KNSTRN: variants seen among roughly 807,000 people sequenced by gnomAD.
KNSTRN encodes the protein kinetochore localized astrin (SPAG5) binding protein.
Under a neutral mutation model 44.7 loss-of-function variants are expected in KNSTRN, and 38 were observed. The ratio of observed to expected loss-of-function variants is 0.85; its 90% CI spans 0.66 to 1.11. The LOEUF is 1.11. KNSTRN is among the 50% of genes most tolerant of loss of function. The probability of loss-of-function intolerance (pLI) is 0.00; values close to 1 mark genes in which losing one functional copy is unlikely to be tolerated. For synonymous variants in KNSTRN, 158 were observed against 148.1 expected (o/e 1.07, Z -0.48); for missense variants, 406 against 375.8 (o/e 1.08, Z -0.66).
At chr15:40,383,159 T>A in intron 1 of KNSTRN, 69 bp from the exon 2 acceptor site, 1 of 1,579,430 alleles carries the variant, frequency 6.3e-7, no homozygotes, top group South Asian at 1.1e-5. Flanking sequence ...GGTCGCGCTA[T>A]CCCCGGGCCC....
At chr15:40,383,757 C>A (rs1184462718) in intron 2 of KNSTRN, among the ~76,000 whole-genome samples, 1 of 152,206 alleles carries the variant, frequency 6.6e-6, no homozygotes, top group Non-Finnish European at 1.5e-5. Context: ...CCGTGTTTCT[C>A]ATTACCACAT....
chr15:40,384,410 T>C (rs1038855830), intron 2 of KNSTRN: 3 of 450,256 alleles, frequency 6.7e-6, no homozygotes, highest in East Asian at 7.1e-5. Context: ...TAAATAGGCT[T>C]TTCTCCAAAG....
Position 40,391,749 on chromosome 15 carries a change from A to T in KNSTRN, c.747+195A>T, listed in dbSNP as rs1012564125. ...AAGGTAGCTTTGTGCTTACAAATAT[A>T]AGTGAGTCTGAATTGAAAATTTAAA... On this transcript the variant is annotated intron_variant, in intron 7 of 8. Coordinates refer to ENST00000249776, the MANE Select transcript of KNSTRN (RefSeq NM_033286.4). The T allele has an allele frequency of 1.7e-5, 11 of 656,896 alleles. No homozygotes were observed. In the African/African-American group the frequency reaches 1.8e-4, roughly 11 times the overall value. The allele number at this position is 656,896 out of a possible 1,614,324, so 40.7% of individuals were successfully genotyped here. A position where few individuals can be genotyped will look rare whatever the true frequency, so the allele number is the denominator to read the frequency against.
rs1468000406 is a variant in KNSTRN at position 40,386,377 on chromosome 15, C to T, written c.320C>T (p.Ala107Val). ...TCCTTTGCAGACACACAAACTCGGG[C>T]CACTTCTAAGAGTCTCTTACCTGTT... is the stretch of plus-strand genomic sequence containing the variant. Reference protein sequence around the residue: ...GGQPADTQTRATSKSLLPVRS... With the variant: ...GGQPADTQTRVTSKSLLPVRS... Residue 107 changes from alanine to valine, a missense_variant, in exon 3 of 9, where the codon GCC becomes GTC. Coordinates refer to ENST00000249776, the MANE Select transcript of KNSTRN (RefSeq NM_033286.4). 1.2e-6 allele frequency: 2 copies of T among 1,613,502 alleles called. No individual in the cohort carries two copies. The highest frequency in any genetic ancestry group is 1.7e-6 in the Non-Finnish European group (2 of 1,179,796).
Position 40,382,889 on chromosome 15 carries a change from G to A in KNSTRN, c.54G>A (p.Leu18=), listed in dbSNP as rs371327504. 38 of 1,612,168 alleles carry A rather than the reference G, an allele frequency of 2.4e-5. No individual in the cohort carries two copies. The highest frequency in any genetic ancestry group is 2.3e-4 in the African/African-American group (17 of 74,876). ...ACAGAGTTTTCCGTACAACATGGCT[G>A]TCTACAGAGTGCGATTCCCACCCAC... The part of the protein sequence containing the change: ...PLDRVFRTTW[L]STECDSHPLP... The change falls in exon 1 of 9, where the codon CTG becomes CTA. Residue 18 remains leucine, a synonymous_variant. Transcript: ENST00000249776.
Position 40,391,506 on chromosome 15 carries a change from G to T in KNSTRN, c.699G>T (p.Glu233Asp). The T allele has an allele frequency of 6.2e-7, 1 of 1,613,924 alleles. No individual in the cohort carries two copies. The highest frequency in any genetic ancestry group is 1.1e-5 in the South Asian group (1 of 91,048). Residue 233 changes from glutamate to aspartate, a missense_variant, in exon 7 of 9, where the codon GAG (glutamate) becomes GAT (aspartate). Coordinates refer to ENST00000249776, the MANE Select transcript of KNSTRN (RefSeq NM_033286.4). ...SKGLDPALGS[E>D]TLASRQESTT... ...TGTATCCATCAGCTTTAGGCAGTGA[G>T]ACCCTGGCATCACGACAAGAATCCA...
At chr15:40,385,869 G>A (rs562034245) in intron 2 of KNSTRN, among the ~76,000 whole-genome samples, 5 of 152,272 alleles carry the variant, frequency 3.3e-5, no homozygotes, top group African/African-American at 7.2e-5. Flanking sequence ...GTACTGTCAC[G>A]TTTAAATAAT....
chr15:40,386,806 C>A (rs1889910855), intron 3 of KNSTRN: 4 of 501,744 alleles, frequency 8.0e-6, no homozygotes, highest in Non-Finnish European at 1.1e-5. Context: ...TAGTTGTTAT[C>A]CTAGGTTGCT....
intron 6 of KNSTRN, among the ~76,000 whole-genome samples, 182 bp downstream of exon 6, chr15:40,390,111 T>G (rs186956364): frequency 6.6e-6 from 1 of 152,236 alleles, no homozygotes; most frequent in Non-Finnish European, 1.5e-5. Flanking sequence ...GCCTGGCCAA[T>G]AGGATTTCAG....
At chr15:40,384,391 G>C in intron 2 of KNSTRN, 1 of 441,044 alleles carries the variant, frequency 2.3e-6, no homozygotes, top group East Asian at 7.2e-5. Flanking sequence ...AAAAGATTGA[G>C]CTCTGAAGTA....
At chr15:40,388,522 C>T (rs574034017) in intron 4 of KNSTRN, among the ~76,000 whole-genome samples, 4 of 151,986 alleles carry the variant, frequency 2.6e-5, no homozygotes, top group South Asian at 4.2e-4. Flanking sequence ...GGTGTTTCAC[C>T]GTCTCTACTA....
chr15:40,383,051 C>T lies in KNSTRN; in HGVS notation c.209+7C>T. On this transcript the variant is annotated splice_region_variant and intron_variant, in intron 1 of 8. Coordinates refer to ENST00000249776, the MANE Select transcript of KNSTRN (RefSeq NM_033286.4). ...AGGACCGGCGGGCTCCTGGGTTCGG[C>T]TCTCCCGGGGCGAGGGACTGGGCTG... 1 of 1,609,598 alleles carries T rather than the reference C, an allele frequency of 6.2e-7. No individual in the cohort carries two copies. Among genetic ancestry groups the T allele is most frequent in the Non-Finnish European group, 8.5e-7 (1 of 1,179,884 alleles).
intron 2 of KNSTRN, chr15:40,384,813 C>G (rs1232148394): frequency 6.1e-6 from 1 of 163,418 alleles, no homozygotes; most frequent in Non-Finnish European, 1.4e-5. Flanking sequence ...ACCAGCCATC[C>G]AGTTCCTCTC....
intron 1 of KNSTRN, 45 bp from the exon 2 acceptor site, chr15:40,383,183 G>A (rs761049968): frequency 6.3e-7 from 1 of 1,594,336 alleles, no homozygotes; most frequent in Admixed American, 1.7e-5. Context: ...ACTCTCTCGG[G>A]CCCAGTGGCC....
intron 8 of KNSTRN, among the ~76,000 whole-genome samples, chr15:40,392,334 G>A (rs1890014990): frequency 6.6e-6 from 1 of 152,094 alleles, no homozygotes; most frequent in South Asian, 2.1e-4. Flanking sequence ...TATTCTTCTT[G>A]ATGCACTTCC....
rs774761615 is a variant in KNSTRN, at chr15:40,393,466, C to G, written c.823-3C>G. On this transcript the variant is annotated splice_region_variant and splice_polypyrimidine_tract_variant and intron_variant, in intron 8 of 8. Coordinates refer to ENST00000249776, the MANE Select transcript of KNSTRN (RefSeq NM_033286.4). ...TTTTCTTTTGGAATGTCTTTCCATG[C>G]AGGCCTTAAAGGTAAAGCTGGAGAT... 85 of 1,609,802 alleles carry G rather than the reference C, an allele frequency of 5.3e-5. No homozygotes were observed. The highest frequency in any genetic ancestry group is 5.1e-5 in the Admixed American group (3 of 58,868).
chr15:40,386,648 C>G lies in KNSTRN; in HGVS notation c.437+154C>G, dbSNP rs529307441. On this transcript the variant is annotated intron_variant, in intron 3 of 8. Transcript: ENST00000249776. ...CAGTGCAGCATTGCTGAGCTCTGTG[C>G]CAGAACCCTCTGTGTTGATCTTTCT... 1.8e-4 allele frequency: 125 copies of G among 693,614 alleles called. 1 individual carries two copies. The African/African-American group carries it at 2.1e-3, about 12-fold the overall frequency. The allele number at this position is 693,614 out of a possible 1,614,324, so 43.0% of individuals were successfully genotyped here.
At position 40,386,829 on chromosome 15, in the gene KNSTRN, C is replaced by G; in HGVS notation, c.438-330C>G. On this transcript the variant is annotated intron_variant, in intron 3 of 8. Transcript: ENST00000249776. The stretch of plus-strand genomic sequence containing the variant: ...ATCCTAGGTTGCTGCTCTGACCACA[C>G]AGTCCAGCCCTAGTGTGTGTGTATG... The G allele has an allele frequency of 7.9e-6, 4 of 509,164 alleles. No homozygotes were observed. The South Asian group carries it at 9.0e-5, about 12-fold the overall frequency. 31.5% of individuals were successfully genotyped at this position (509,164 alleles called of 1,614,324 possible). A position where few individuals can be genotyped will look rare whatever the true frequency, so the allele number is the denominator to read the frequency against.
At chr15:40,387,271 GC>G in intron 4 of KNSTRN, 65 bp downstream of exon 4, 1 of 1,268,316 alleles carries the variant, frequency 7.9e-7, no homozygotes, top group Non-Finnish European at 1.2e-6. Context: ...CCTTGGTTCT[GC>G]ATCAGAATCA....
Sources: allele counts gnomAD v4.1 joint callset (sites outside exome capture counted in the v4.1 genomes callset), GRCh38; gene constraint gnomAD v4.1.1; transcripts MANE v1.5; gene names NCBI Gene and HGNC (gene_info 2026-07-23, HGNC 2026-07-21).